The following RPGRIP1L variants were observed in gnomAD, a reference collection of about 807,000 sequenced individuals.
RPGRIP1L encodes protein fantom.
In RPGRIP1L, 131 loss-of-function variants were observed where a neutral mutation model predicts 160.4. The ratio of observed to expected loss-of-function variants is 0.82; its 90% CI spans 0.71 to 0.94. The LOEUF is 0.94. Ranked by LOEUF, RPGRIP1L falls within the 40% of genes least tolerant of loss-of-function variation. RPGRIP1L has a pLI of 0.00. For missense variants in RPGRIP1L, 1,522 were observed against 1,535.8 expected (o/e 0.99, Z 0.15); for synonymous variants, 510 against 515.8 (o/e 0.99, Z 0.15).
intron 17 of RPGRIP1L, among the ~76,000 whole-genome samples, chr16:53,644,744 A>G (rs936145318): frequency 2.0e-5 from 3 of 152,228 alleles, no homozygotes; most frequent in Non-Finnish European, 2.9e-5. Flanking sequence ...TTCAAAAAAC[A>G]AAATCAAAAT....
Position 53,645,791 on chromosome 16 carries a change from A to G in RPGRIP1L, c.2517T>C (p.Asp839=). 6.2e-7 allele frequency: 1 copy of G among 1,614,124 alleles called. No homozygotes were observed. Among genetic ancestry groups the G allele is most frequent in the South Asian group, 1.1e-5 (1 of 91,080 alleles). ...TTGGCACTGGGAAATACATATGATC[A>G]TCAAACTGTGGATCATTGCTACTGG... ...IIPSSNDPQF[D]DHMYFPVPMN... The change falls in exon 17 of 27, where the codon GAT becomes GAC. Residue 839 remains aspartate, a synonymous_variant. Coordinates refer to ENST00000647211, the MANE Select transcript of RPGRIP1L (RefSeq NM_015272.5).
chr16:53,692,207 T>G lies in RPGRIP1L; in HGVS notation c.388A>C (p.Lys130Gln). The G allele has an allele frequency of 6.8e-6, 11 of 1,614,090 alleles. No homozygotes were observed. Among genetic ancestry groups the G allele is most frequent in the East Asian group, 2.2e-5 (1 of 44,896 alleles). Residue 130 changes from lysine (K) to glutamine (Q), a missense_variant, in exon 4 of 27, where the codon AAA (lysine) becomes CAA (glutamine). Transcript: ENST00000647211. ...TGTTTGGCTGAAATCAGTCTGTTTTTGAGGGTTTCATTTTGTTTTTCAAGC... is the reference window on the plus strand; with the variant it reads ...TGTTTGGCTGAAATCAGTCTGTTTTGGAGGGTTTCATTTTGTTTTTCAAGC... The part of the protein sequence containing the change: ...HELEKQNETL[K>Q]NRLISAKQQL...
rs1028865384 is a variant in RPGRIP1L, at chr16:53,664,932, G to A, written c.1181C>T (p.Thr394Ile). The A allele has an allele frequency of 6.2e-7, 1 of 1,613,300 alleles. No individual in the cohort carries two copies. The highest frequency in any genetic ancestry group is 1.7e-5 in the Admixed American group (1 of 60,000). ...QLKVQIAQLE[T>I]ALKSDLTDKT... ...GTCTGTTAAGTCAGACTTCAAGGCA[G>A]TCTCGAGCTGAGCAATCTGCACTTT... The change falls in exon 10 of 27, where the codon ACT becomes ATT. Residue 394 changes from threonine (T) to isoleucine (I), a missense_variant. Coordinates refer to ENST00000647211, the MANE Select transcript of RPGRIP1L (RefSeq NM_015272.5).
At chr16:53,624,772 TC>T (rs1964971292) in intron 22 of RPGRIP1L, among the ~76,000 whole-genome samples, 1 of 52,948 alleles carries the variant, frequency 1.9e-5, no homozygotes, top group Non-Finnish European at 3.8e-5. Context: ...CCCCTCCCCC[TC>T]CCCCTCGTCT....
intron 4 of RPGRIP1L, among the ~76,000 whole-genome samples, chr16:53,689,605 T>C (rs1355797301): frequency 3.9e-5 from 6 of 152,226 alleles, no homozygotes; most frequent in Non-Finnish European, 7.4e-5. Flanking sequence ...GTAGTATTTG[T>C]ATAGCACCTT....
At chr16:53,696,488 AATACTTTAT>A (rs1383749488) in intron 2 of RPGRIP1L, among the ~76,000 whole-genome samples, 193 bp from the exon 3 acceptor site, 1 of 152,188 alleles carries the variant, frequency 6.6e-6, no homozygotes. Context: ...CTTTGCTATT[AATACTTTAT>A]ATACAGTTTT....
intron 6 of RPGRIP1L, among the ~76,000 whole-genome samples, chr16:53,675,427 C>A (rs1194682545): frequency 1.3e-5 from 2 of 152,070 alleles, no homozygotes; most frequent in African/African-American, 2.4e-5. Flanking sequence ...TTATAGTATC[C>A]TGAAAGATGG....
chr16:53,629,826 A>G (rs903812665), intron 22 of RPGRIP1L, among the ~76,000 whole-genome samples: 3 of 152,202 alleles, frequency 2.0e-5, no homozygotes, highest in Admixed American at 6.5e-5. Flanking sequence ...TGAAAGCAGC[A>G]ATAGATAATA....
intron 21 of RPGRIP1L, 32 bp from the exon 22 acceptor site, chr16:53,636,544 C>G (rs754929657): frequency 2.8e-6 from 4 of 1,432,622 alleles, no homozygotes; most frequent in South Asian, 1.1e-5. Flanking sequence ...AACATTTACA[C>G]AAGTTAAACC....
At chr16:53,700,832 G>A in intron 1 of RPGRIP1L, 102 bp from the exon 2 acceptor site, 2 of 838,246 alleles carry the variant, frequency 2.4e-6, no homozygotes, top group East Asian at 2.6e-5. Flanking sequence ...GAACTTTAAT[G>A]GGCATCTTAT....
chr16:53,641,325 T>C lies in RPGRIP1L; in HGVS notation c.2834A>G (p.Gln945Arg), dbSNP rs1333651499. The C allele has an allele frequency of 6.2e-7, 1 of 1,614,108 alleles. No individual in the cohort carries two copies. The highest frequency in any genetic ancestry group is 8.5e-7 in the Non-Finnish European group (1 of 1,179,978). ...FIRSEEPEVV[Q>R]RLPPASSVST... The stretch of plus-strand genomic sequence containing the variant: ...AACAGAGGATGCTGGAGGAAGTCTT[T>C]GAACAACTTCTGGCTCTTCGCTGCG... The change falls in exon 18 of 27, where the codon CAA (glutamine) becomes CGA (arginine). Residue 945 changes from glutamine to arginine, a missense_variant. Transcript: ENST00000647211.
In RPGRIP1L at chr16:53,683,828, AAAG is replaced by A. The variant is rs141249618; in HGVS notation, c.776+2602_776+2604del. ...CAGGTACTAGGAACCAAAAAATGGC[AAAG>A]AAGAATGGGAAATAAAATATCGTAC... On this transcript the variant is annotated intron_variant, in intron 6 of 26. Coordinates refer to ENST00000647211, the MANE Select transcript of RPGRIP1L (RefSeq NM_015272.5). Among the ~76,000 whole-genome samples, 114 of 152,306 alleles carry A rather than the reference AAAG, an allele frequency of 7.5e-4. 1 individual carries two copies. Among genetic ancestry groups the A allele is most frequent in the Admixed American group, 2.5e-3 (39 of 15,302 alleles).
intron 25 of RPGRIP1L, chr16:53,607,902 C>T: frequency 1.3e-6 from 1 of 742,524 alleles, no homozygotes; most frequent in Non-Finnish European, 1.6e-6. Flanking sequence ...AAGACACACA[C>T]ACAAATCTTT....
At chr16:53,679,102 G>T (rs773470423) in intron 6 of RPGRIP1L, among the ~76,000 whole-genome samples, 1 of 152,026 alleles carries the variant, frequency 6.6e-6, no homozygotes, top group South Asian at 2.1e-4. Context: ...TTGCTCAAAG[G>T]AAAAAAACTG....
At chr16:53,626,845 G>T (rs572574765) in intron 22 of RPGRIP1L, among the ~76,000 whole-genome samples, 1 of 150,956 alleles carries the variant, frequency 6.6e-6, no homozygotes, top group South Asian at 2.1e-4. Flanking sequence ...GTGGTGAACA[G>T]AAGTCATTCA....
In RPGRIP1L at chr16:53,664,533, C is replaced by T. The variant is rs550431221; in HGVS notation, c.1243+337G>A. On this transcript the variant is annotated intron_variant, in intron 10 of 26. Coordinates refer to ENST00000647211, the MANE Select transcript of RPGRIP1L (RefSeq NM_015272.5). ...TTTTGTTTCTATTCATTGCTGTATC[C>T]CCAGAAATTAGAACAGTACCTAGCA... Among the ~76,000 whole-genome samples the T allele has an allele frequency of 1.2e-3, 179 of 151,964 alleles. 1 individual carries two copies. The highest frequency in any genetic ancestry group is 2.1e-3 in the Non-Finnish European group (146 of 67,956).
Position 53,637,416 on chromosome 16 carries a change from C to G in RPGRIP1L, c.3220+279G>C, listed in dbSNP as rs143112070. ...CTAATGCAAATAATAATACTGAACT[C>G]AAAGAGAACACAAAACTGTTTAAAA... is the stretch of plus-strand genomic sequence containing the variant. On this transcript the variant is annotated intron_variant, in intron 21 of 26. Transcript: ENST00000647211. 1.5e-4 allele frequency among the ~76,000 whole-genome samples: 23 copies of G among 152,172 alleles called. No individual in the cohort carries two copies. In the East Asian group the frequency reaches 4.2e-3, roughly 28 times the overall value.
chr16:53,602,349 G>A (rs1341308765), intron 26 of RPGRIP1L, among the ~76,000 whole-genome samples, 161 bp from the exon 27 acceptor site: 1 of 152,210 alleles, frequency 6.6e-6, no homozygotes, highest in Admixed American at 6.5e-5. Flanking sequence ...TGTCACGTGT[G>A]CATGGAGATG....
At chr16:53,612,205 A>G (rs1964093077) in intron 24 of RPGRIP1L, among the ~76,000 whole-genome samples, 1 of 152,158 alleles carries the variant, frequency 6.6e-6, no homozygotes, top group South Asian at 2.1e-4. Flanking sequence ...TTCAGAGAAG[A>G]ATCATCCAAG....
Sources: gnomAD v4.1 joint callset for allele counts (sites outside exome capture counted in the v4.1 genomes callset) on GRCh38, gnomAD v4.1.1 for gene constraint, MANE v1.5 for transcripts, NCBI Gene and HGNC (gene_info 2026-07-23, HGNC 2026-07-21) for gene names.